Variants in CSGALNACT1 observed in about 807,000 individuals in gnomAD.
The protein encoded by CSGALNACT1 is chondroitin sulfate N-acetylgalactosaminyltransferase 1, also known as beta4GalNAcT-1.
CSGALNACT1 carries 52 observed loss-of-function variants against 51.0 expected under a neutral mutation model. That is an observed-to-expected ratio of 1.02 (90% CI 0.82 to 1.29). The LOEUF (loss-of-function observed/expected upper bound fraction) is 1.29. CSGALNACT1 is among the 50% of genes most tolerant of loss of function. The pLI is 0.00. For missense variants in CSGALNACT1, 935 were observed against 679.2 expected (o/e 1.38, Z -4.19); for synonymous variants, 341 against 254.4 (o/e 1.34, Z -3.24).
intron 4 of CSGALNACT1, among the ~76,000 whole-genome samples, chr8:19,490,781 C>G (rs4922042): frequency 0.14 from 21,579 of 152,156 alleles, 1,882 homozygotes; most frequent in Non-Finnish European, 0.19. Flanking sequence ...CTGCTCCAGC[C>G]TTGGTATTTA....
In CSGALNACT1 at chr8:19,702,330, T is replaced by C. The variant is rs144510915; in HGVS notation, c.-297+55520A>G. Among the ~76,000 whole-genome samples the C allele has an allele frequency of 1.7e-3, 255 of 151,968 alleles. 1 individual carries two copies. Among genetic ancestry groups the C allele is most frequent in the African/African-American group, 6.1e-3 (254 of 41,438 alleles). ...CCTTCTGAGACCAGCCTGGGCAACA[T>C]AGTGAGACCTCATCTCTACAATAAA... On this transcript the variant is annotated intron_variant, in intron 1 of 1. Transcript: ENST00000517494.
chr8:19,405,521 A>G (rs1431905256), exon 10 of CSGALNACT1: 3 of 632,044 alleles, frequency 4.7e-6, no homozygotes, highest in African/African-American at 3.6e-5. Flanking sequence ...CCTCCACACC[A>G]TTAGGCTTAT....
chr8:19,747,219 G>C (rs1180133961), intron 1 of CSGALNACT1, among the ~76,000 whole-genome samples: 1 of 151,944 alleles, frequency 6.6e-6, no homozygotes, highest in Non-Finnish European at 1.5e-5. Context: ...AATTCCTGCA[G>C]TTGGTTCAAG....
At chr8:19,414,131 G>A (rs1410061120) in intron 8 of CSGALNACT1, among the ~76,000 whole-genome samples, 1 of 152,292 alleles carries the variant, frequency 6.6e-6, no homozygotes, top group African/African-American at 2.4e-5. Flanking sequence ...ATGGAAATTG[G>A]CAAATGCTAT....
intron 1 of CSGALNACT1, among the ~76,000 whole-genome samples, chr8:19,743,350 T>C (rs909410726): frequency 4.6e-5 from 7 of 152,212 alleles, no homozygotes; most frequent in Non-Finnish European, 1.0e-4. Flanking sequence ...CATGTGTATG[T>C]GTATGCCTGA....
chr8:19,554,984 A>C (rs1450860593), intron 3 of CSGALNACT1, among the ~76,000 whole-genome samples: 1 of 151,972 alleles, frequency 6.6e-6, no homozygotes, highest in Non-Finnish European at 1.5e-5. Context: ...TCATGCCTGT[A>C]ATCCCAGCAT....
At chr8:19,718,097 C>T (rs1427070205) in intron 1 of CSGALNACT1, among the ~76,000 whole-genome samples, 1 of 152,054 alleles carries the variant, frequency 6.6e-6, no homozygotes, top group East Asian at 1.9e-4. Context: ...CAAAGCATAA[C>T]AGGCCTTCTT....
intron 3 of CSGALNACT1, among the ~76,000 whole-genome samples, chr8:19,580,458 A>G (rs2045318259): frequency 2.0e-5 from 3 of 152,226 alleles, no homozygotes; most frequent in Admixed American, 1.3e-4. Context: ...CTTATACCTT[A>G]GAAACAAACC....
chr8:19,541,613 A>T (rs1187090090), intron 3 of CSGALNACT1, among the ~76,000 whole-genome samples: 1 of 128,576 alleles, frequency 7.8e-6, no homozygotes, highest in African/African-American at 3.1e-5. Context: ...TTGGCCAGGC[A>T]GGTCTCCAGC....
intron 4 of CSGALNACT1, among the ~76,000 whole-genome samples, chr8:19,474,423 G>A (rs1042628149): frequency 6.6e-6 from 1 of 152,148 alleles, no homozygotes; most frequent in Admixed American, 6.5e-5. Flanking sequence ...AGAGCAGGTA[G>A]TGTTTTAAGT....
rs188573516 is a variant in CSGALNACT1, at chr8:19,615,511, G to A, written c.-543-13646C>T. On this transcript the variant is annotated intron_variant, in intron 1 of 9. Transcript: ENST00000332246. ...AGCACCAACAGAATAGGTACCAGATGTGTGTCTTCCAAATCGTAAGAAAAC... is the reference window on the plus strand; with the variant it reads ...AGCACCAACAGAATAGGTACCAGATATGTGTCTTCCAAATCGTAAGAAAAC... Among the ~76,000 whole-genome samples the A allele has an allele frequency of 2.6e-5, 4 of 152,320 alleles. No individual in the cohort carries two copies. The East Asian group carries it at 5.8e-4, about 22-fold the overall frequency.
chr8:19,466,978 T>G (rs1041184787), intron 4 of CSGALNACT1, among the ~76,000 whole-genome samples: 2 of 152,228 alleles, frequency 1.3e-5, no homozygotes, highest in African/African-American at 4.8e-5. Flanking sequence ...TTCTCTACAC[T>G]GCATTTGTTG....
chr8:19,670,650 C>CAAAAAAAAAAAAAAAA (rs752256046), intron 1 of CSGALNACT1, among the ~76,000 whole-genome samples: 16 of 92,842 alleles, frequency 1.7e-4, no homozygotes, highest in East Asian at 4.7e-4. Context: ...CTACTGAAGA[C>CAAAAAAAAAAAAAAAA]AAAAAAAAAA....
chr8:19,626,622 G>A (rs2054492809), intron 1 of CSGALNACT1, among the ~76,000 whole-genome samples: 1 of 152,170 alleles, frequency 6.6e-6, no homozygotes, highest in South Asian at 2.1e-4. Flanking sequence ...AGTATCTTGG[G>A]AATAGGATGA....
chr8:19,576,073 C>T (rs1358707735), intron 3 of CSGALNACT1, among the ~76,000 whole-genome samples: 1 of 152,084 alleles, frequency 6.6e-6, no homozygotes, highest in Non-Finnish European at 1.5e-5. Flanking sequence ...GTGCTGTCTG[C>T]TAGCCACACC....
chr8:19,654,983 G>C (rs1004799137), intron 1 of CSGALNACT1, among the ~76,000 whole-genome samples: 2 of 151,978 alleles, frequency 1.3e-5, no homozygotes, highest in Non-Finnish European at 2.9e-5. Flanking sequence ...TGGTAGACCA[G>C]AATTAAAAAG....
At chr8:19,717,571 G>A (rs980051497) in intron 1 of CSGALNACT1, among the ~76,000 whole-genome samples, 1 of 152,138 alleles carries the variant, frequency 6.6e-6, no homozygotes, top group Non-Finnish European at 1.5e-5. Flanking sequence ...CACCACTCCA[G>A]AAATTCCCTC....
rs3839879 is a variant in CSGALNACT1, at chr8:19,409,486, C to CATAT, written c.1228-796_1228-793dup. Among the ~76,000 whole-genome samples the CATAT allele has an allele frequency of 6.9e-3, 1,017 of 147,830 alleles. 7 individuals are homozygous for CATAT. The highest frequency in any genetic ancestry group is 0.024 in the African/African-American group (966 of 39,806). ...AAGGCTTTTCAAAACTGCATGTGTACATATATATATATATAGAGAGAGAGA... is the reference window on the plus strand; with the variant it reads ...AAGGCTTTTCAAAACTGCATGTGTACATATATATATATATATATAGAGAGAGAGA... On this transcript the variant is annotated intron_variant, in intron 8 of 9. Coordinates refer to ENST00000454498, the Ensembl canonical transcript of CSGALNACT1.
intron 4 of CSGALNACT1, among the ~76,000 whole-genome samples, chr8:19,487,031 AT>A (rs2073118744): frequency 6.6e-6 from 1 of 152,202 alleles, no homozygotes; most frequent in African/African-American, 2.4e-5. Flanking sequence ...TTTAGCTGTT[AT>A]TTTTGGGGAA....
Sources: gnomAD v4.1 joint callset for allele counts (sites outside exome capture counted in the v4.1 genomes callset) on GRCh38, gnomAD v4.1.1 for gene constraint, MANE v1.5 for transcripts, NCBI Gene and HGNC (gene_info 2026-07-23, HGNC 2026-07-21) for gene names.